TMEM69: variants seen among roughly 807,000 people sequenced by gnomAD.
The protein encoded by TMEM69 is transmembrane protein 69, also known as chromosome 1 open reading frame 154.
Under a neutral mutation model 15.8 loss-of-function variants are expected in TMEM69, and 17 were observed. The ratio of observed to expected loss-of-function variants is 1.07; its 90% CI spans 0.73 to 1.61. TMEM69 has a LOEUF of 1.61. Ranked by LOEUF, TMEM69 falls within the 40% of genes most tolerant of loss-of-function variation. The pLI is 0.00. For missense variants in TMEM69, 230 were observed against 286.1 expected (o/e 0.80, Z 1.41); for synonymous variants, 80 against 98.6 (o/e 0.81, Z 1.12).
In TMEM69 at chr1:45,693,689, C is replaced by T. The variant is rs763288270; in HGVS notation, c.528C>T (p.Phe176=). ...AAPLFFSWFA[F]LISERLSEAI... is the part of the protein sequence containing the mutation. ...CTCTTTTCTTTTCATGGTTTGCCTTCCTTATTTCTGAAAGACTTAGTGAAG... is the reference window on the plus strand; with the variant it reads ...CTCTTTTCTTTTCATGGTTTGCCTTTCTTATTTCTGAAAGACTTAGTGAAG... The change falls in exon 3 of 3, where the codon TTC becomes TTT. Residue 176 remains phenylalanine, a synonymous_variant. Transcript: ENST00000372025. 1.9e-6 allele frequency: 3 copies of T among 1,614,138 alleles called. No homozygotes were observed. In the South Asian group the frequency reaches 3.3e-5, roughly 18 times the overall value.
rs1418459271 is a variant in TMEM69 at position 45,688,268 on chromosome 1, C to T, written c.-103C>T. On this transcript the variant is annotated 5_prime_UTR_variant, in exon 1 of 3. Transcript: ENST00000372025. ...GTGCAACGCTGGCAAGTCTCAAAGT[C>T]GCCACAGGTGCAGGTTGGGATGGGA... 6.6e-6 allele frequency: 1 copy of T among 152,114 alleles called. No individual in the cohort carries two copies. Among genetic ancestry groups the T allele is most frequent in the Non-Finnish European group, 1.5e-5 (1 of 68,048 alleles). The allele number at this position is 152,114 out of a possible 1,614,324, so 9.4% of individuals were successfully genotyped here.
chr1:45,693,949 G>A lies in TMEM69; in HGVS notation c.*44G>A. 7.5e-7 allele frequency: 1 copy of A among 1,342,130 alleles called. No homozygotes were observed. The highest frequency in any genetic ancestry group is 1.0e-6 in the Non-Finnish European group (1 of 991,776). The allele number at this position is 1,342,130 out of a possible 1,614,324, so 83.1% of individuals were successfully genotyped here. A position where few individuals can be genotyped will look rare whatever the true frequency, so the allele number is the denominator to read the frequency against. ...AAGTGAGGAGCACCTCTGCCCAGCT[G>A]CTGCCCCGTCTGGGAAGTGAGGAGC... is the stretch of plus-strand genomic sequence containing the variant. On this transcript the variant is annotated 3_prime_UTR_variant, in exon 3 of 3. Coordinates refer to ENST00000372025, the MANE Select transcript of TMEM69 (RefSeq NM_016486.4).
chr1:45,691,102 T>C lies in TMEM69; in HGVS notation c.34T>C (p.Ser12Pro), dbSNP rs1402683451. 8.1e-6 allele frequency: 13 copies of C among 1,614,082 alleles called. No individual in the cohort carries two copies. The Admixed American group carries it at 2.0e-4, about 25-fold the overall frequency. ...CTTCATCCAGAAGTTTTCTCAAGCA[T>C]CTTCAAAGGTTGGTTTGTTCAGCAG... ...LRFIQKFSQA[S>P]SKILKYSFPV... The change falls in exon 2 of 3, where the codon TCT becomes CCT. Residue 12 changes from serine (S) to proline (P), a missense_variant. Ser to Pro is a moderately conservative substitution (Grantham distance 74). Coordinates refer to ENST00000372025, the MANE Select transcript of TMEM69 (RefSeq NM_016486.4).
At chr1:45,691,659 T>TA (rs1265042644) in intron 2 of TMEM69, among the ~76,000 whole-genome samples, 3 of 151,510 alleles carry the variant, frequency 2.0e-5, no homozygotes, top group African/African-American at 7.3e-5. Context: ...GCCAACATGG[T>TA]AAAACCCTTG....
intron 1 of TMEM69, among the ~76,000 whole-genome samples, chr1:45,689,430 G>C (rs1645329373): frequency 6.6e-6 from 1 of 152,098 alleles, no homozygotes; most frequent in South Asian, 2.1e-4. Flanking sequence ...GTTATATCAG[G>C]CTAAGTGGCA....
intron 2 of TMEM69, among the ~76,000 whole-genome samples, chr1:45,691,564 G>C (rs562471408): frequency 6.6e-6 from 1 of 152,146 alleles, no homozygotes; most frequent in African/African-American, 2.4e-5. Flanking sequence ...AATTGGCTAG[G>C]TGCCGTGGCT....
At chr1:45,692,109 T>G (rs1185273709) in intron 2 of TMEM69, among the ~76,000 whole-genome samples, 1 of 152,118 alleles carries the variant, frequency 6.6e-6, no homozygotes, top group Non-Finnish European at 1.5e-5. Flanking sequence ...ATTGTACCAC[T>G]GCACTCCAGC....
At chr1:45,693,157 C>CAT (rs749898998) in intron 2 of TMEM69, 47 bp from the exon 3 acceptor site, 6 of 1,360,748 alleles carry the variant, frequency 4.4e-6, no homozygotes, top group Admixed American at 4.3e-5. Context: ...TCTGATGATA[C>CAT]ATATATATAT....
intron 2 of TMEM69, 36 bp from the exon 3 acceptor site, chr1:45,693,168 T>A: frequency 6.9e-7 from 1 of 1,449,482 alleles, no homozygotes; most frequent in Non-Finnish European, 9.4e-7. Context: ...ATATATATAT[T>A]TTTAATTTTG....
In TMEM69 at chr1:45,694,133, GT is replaced by G. The variant is rs36042714; in HGVS notation, c.*232del. 116,514 of 365,996 alleles carry G rather than the reference GT, an allele frequency of 0.32. 19,312 individuals are homozygous for G. Among genetic ancestry groups the G allele is most frequent in the South Asian group, 0.45 (8,325 of 18,452 alleles). The allele number at this position is 365,996 out of a possible 1,614,324, so 22.7% of individuals were successfully genotyped here. A position where few individuals can be genotyped will look rare whatever the true frequency, so the allele number is the denominator to read the frequency against. On this transcript the variant is annotated 3_prime_UTR_variant, in exon 3 of 3. Coordinates refer to ENST00000372025, the MANE Select transcript of TMEM69 (RefSeq NM_016486.4). Reference sequence around the variant, plus strand: ...ATTAAAGTTTACTTTTTAGTTAAAAGTTTTAAAAATATATATATATAAATAC... The same window carrying G: ...ATTAAAGTTTACTTTTTAGTTAAAAGTTTAAAAATATATATATATAAATAC...
At chr1:45,691,559 G>A (rs1447365520) in intron 2 of TMEM69, among the ~76,000 whole-genome samples, 1 of 151,868 alleles carries the variant, frequency 6.6e-6, no homozygotes, top group Non-Finnish European at 1.5e-5. Flanking sequence ...AAAAAAATTG[G>A]CTAGGTGCCG....
intron 2 of TMEM69, among the ~76,000 whole-genome samples, chr1:45,691,630 G>A (rs1387647692): frequency 1.3e-5 from 2 of 152,056 alleles, no homozygotes; most frequent in South Asian, 2.1e-4. Flanking sequence ...CTTGAGGTCA[G>A]GAGTTCAGTA....
At chr1:45,688,403 GCGT>G (rs1233937773) in intron 1 of TMEM69, 128 bp downstream of exon 1, 4 of 152,140 alleles carry the variant, frequency 2.6e-5, no homozygotes, top group African/African-American at 9.7e-5. Context: ...GAAGACACTG[GCGT>G]CTAAACCCCG....
At position 45,691,086 on chromosome 1, in the gene TMEM69, G is replaced by C. The variant is rs1645341693; in HGVS notation, c.18G>C (p.Gln6His). ...GGGCCAGTATGCTTCGCTTCATCCAGAAGTTTTCTCAAGCATCTTCAAAGG... is the reference window on the plus strand; with the variant it reads ...GGGCCAGTATGCTTCGCTTCATCCACAAGTTTTCTCAAGCATCTTCAAAGG... MLRFI[Q>H]KFSQASSKIL... Residue 6 changes from glutamine to histidine, a missense_variant, in exon 2 of 3, where the codon CAG (glutamine) becomes CAC (histidine). Transcript: ENST00000372025. 6.2e-7 allele frequency: 1 copy of C among 1,614,038 alleles called. No individual in the cohort carries two copies. Among genetic ancestry groups the C allele is most frequent in the African/African-American group, 1.3e-5 (1 of 74,918 alleles).
At chr1:45,692,818 G>A (rs1221112394) in intron 2 of TMEM69, among the ~76,000 whole-genome samples, 1 of 152,206 alleles carries the variant, frequency 6.6e-6, no homozygotes, top group Admixed American at 6.5e-5. Flanking sequence ...GCATTCCCAC[G>A]GTAATTAGTG....
At chr1:45,689,532 C>G (rs978979829) in intron 1 of TMEM69, among the ~76,000 whole-genome samples, 1 of 151,728 alleles carries the variant, frequency 6.6e-6, no homozygotes, top group Admixed American at 6.6e-5. Flanking sequence ...ATGGCAAAAC[C>G]CCTTCTATAC....
chr1:45,691,553 A>G (rs1261535980), intron 2 of TMEM69, among the ~76,000 whole-genome samples: 1 of 151,968 alleles, frequency 6.6e-6, no homozygotes, highest in Non-Finnish European at 1.5e-5. Flanking sequence ...AAAAAAAAAA[A>G]AATTGGCTAG....
At chr1:45,688,308 G>C (rs897341755) in intron 1 of TMEM69, 33 bp downstream of exon 1, 3 of 152,104 alleles carry the variant, frequency 2.0e-5, no homozygotes, top group African/African-American at 4.8e-5. Context: ...CCAAGGGTTG[G>C]TAGTAAATTT....
At chr1:45,690,441 G>A (rs558851631) in intron 1 of TMEM69, among the ~76,000 whole-genome samples, 2 of 152,296 alleles carry the variant, frequency 1.3e-5, no homozygotes, top group South Asian at 4.2e-4. Context: ...GGCAGATGAT[G>A]CAGTGAGCCA....
Sources: allele counts gnomAD v4.1 joint callset (sites outside exome capture counted in the v4.1 genomes callset), GRCh38; gene constraint gnomAD v4.1.1; transcripts MANE v1.5; gene names NCBI Gene and HGNC (gene_info 2026-07-23, HGNC 2026-07-21).